Variants in CDC25A observed in about 807,000 individuals in gnomAD.
The protein encoded by CDC25A is cell division cycle 25A, also known as M-phase inducer phosphatase 1.
A neutral mutation model predicts 64.6 loss-of-function variants in CDC25A; 17 were observed. That is an observed-to-expected ratio of 0.26 (90% CI 0.18 to 0.39). CDC25A has a LOEUF of 0.39. CDC25A is among the 10% of genes least tolerant of loss of function. The probability of loss-of-function intolerance (pLI) is 1.00; values close to 1 mark genes in which losing one functional copy is unlikely to be tolerated. For missense variants in CDC25A, 473 were observed against 654.8 expected, an observed-to-expected ratio of 0.72 and a Z score of 3.03; for synonymous variants, 229 against 238.6, an observed-to-expected ratio of 0.96 and a Z score of 0.37.
In CDC25A at chr3:48,162,847, C is replaced by CAA. The variant is rs113100105; in HGVS notation, c.1322+1458_1322+1459dup. On this transcript the variant is annotated intron_variant, in intron 13 of 14. Transcript: ENST00000302506. ...TGGGTGACAGAGCGAGACTCCGTCT[C>CAA]AAAAAAAAAAAAAGGTTCAAAGGGG... 5.9e-5 allele frequency among the ~76,000 whole-genome samples: 7 copies of CAA among 118,608 alleles called. No homozygotes were observed. In the East Asian group the frequency reaches 1.5e-3, roughly 25 times the overall value. The allele number at this position is 118,608 out of a possible 152,430, so 77.8% of individuals were successfully genotyped here.
chr3:48,163,616 TG>T (rs1158520676), intron 13 of CDC25A, among the ~76,000 whole-genome samples: 1 of 152,054 alleles, frequency 6.6e-6, no homozygotes, highest in East Asian at 1.9e-4. Context: ...AAAAAAAAAT[TG>T]AAATTTTTTA....
chr3:48,186,757 C>T lies in CDC25A; in HGVS notation c.193G>A (p.Val65Met), dbSNP rs997089589. Reference protein sequence around the residue: ...LGSDYEQPLEVKNNSNLQRMG... With the variant: ...LGSDYEQPLEMKNNSNLQRMG... Reference sequence around the variant, plus strand: ...CTCTGCAGATTACTGTTGTTCTTCACCTCCAGTGGTTGCTCATAATCACTG... The same window carrying T: ...CTCTGCAGATTACTGTTGTTCTTCATCTCCAGTGGTTGCTCATAATCACTG... The change falls in exon 2 of 15, where the codon GTG (valine) becomes ATG (methionine). Residue 65 changes from valine (V) to methionine (M), a missense_variant. Transcript: ENST00000302506. 1 of 1,599,500 alleles carries T rather than the reference C, an allele frequency of 6.3e-7. No individual in the cohort carries two copies. Among genetic ancestry groups the T allele is most frequent in the East Asian group, 2.2e-5 (1 of 44,828 alleles).
intron 6 of CDC25A, among the ~76,000 whole-genome samples, chr3:48,180,001 GACAGTCCCT>G (rs1215746264): frequency 3.9e-5 from 6 of 152,126 alleles, no homozygotes; most frequent in Non-Finnish European, 7.4e-5. Flanking sequence ...TGGAAGTAAT[GACAGTCCCT>G]GTCTGGCAAA....
chr3:48,186,278 T>A (rs975504841), intron 2 of CDC25A, among the ~76,000 whole-genome samples: 1 of 152,080 alleles, frequency 6.6e-6, no homozygotes, highest in East Asian at 1.9e-4. Context: ...TTGTTCTCAA[T>A]AATGTTTATC....
At chr3:48,162,189 T>C (rs1386230726) in intron 13 of CDC25A, among the ~76,000 whole-genome samples, 2 of 152,168 alleles carry the variant, frequency 1.3e-5, no homozygotes, top group Non-Finnish European at 2.9e-5. Flanking sequence ...GTTGCCTGTG[T>C]GTAGAGCATG....
At chr3:48,167,569 T>C (rs972161283) in intron 10 of CDC25A, among the ~76,000 whole-genome samples, 1 of 152,300 alleles carries the variant, frequency 6.6e-6, no homozygotes, top group South Asian at 2.1e-4. Context: ...ATAACACAGT[T>C]CCCAGAGAGC....
At chr3:48,168,360 CCACACACACACA>C (rs58104019) in intron 9 of CDC25A, among the ~76,000 whole-genome samples, 172 of 106,602 alleles carry the variant, frequency 1.6e-3, no homozygotes, top group East Asian at 7.2e-3. Flanking sequence ...AAGACCCTGT[CCACACACACACA>C]CACACACACA....
intron 7 of CDC25A, 25 bp downstream of exon 7, chr3:48,177,829 G>C: frequency 1.4e-6 from 2 of 1,449,258 alleles, no homozygotes; most frequent in Non-Finnish European, 9.1e-7. Flanking sequence ...GAACAAATAG[G>C]AACACACACA....
rs201170431 is a variant in CDC25A at position 48,174,312 on chromosome 3, T to A, written c.902A>T (p.Glu301Val). The A allele has an allele frequency of 3.8e-5, 61 of 1,613,882 alleles. No individual in the cohort carries two copies. The African/African-American group carries it at 7.5e-4, about 20-fold the overall frequency. ...RKSMSGASPKESTNPEKAHET... is the reference protein window; with the variant it reads ...RKSMSGASPKVSTNPEKAHET... ...ATGGGCCTTCTCTGGATTAGTTGAC[T>A]CTTTGGGGCTGGCCCCAGACATGCT... Residue 301 changes from glutamate to valine, a missense_variant, in exon 9 of 15, where the codon GAG (glutamate) becomes GTG (valine). Physicochemically the swap from Glu to Val is moderately radical, Grantham distance 121. Transcript: ENST00000302506.
chr3:48,178,065 A>G, intron 6 of CDC25A, 77 bp from the exon 7 acceptor site: 1 of 1,404,912 alleles, frequency 7.1e-7, no homozygotes, highest in African/African-American at 1.4e-5. Context: ...ACTAGTTTTT[A>G]TGATGAAAAC....
In CDC25A at chr3:48,158,036, C is replaced by CA. The variant is rs1165923315; in HGVS notation, c.*908dup. On this transcript the variant is annotated 3_prime_UTR_variant, in exon 15 of 15. Transcript: ENST00000302506. ...CTTCCCTGGGAAACCTACACTGCAA[C>CA]ATTCCAGCACTGAGCCGGGGGTGGC... 1 of 147,686 alleles carries CA rather than the reference C, an allele frequency of 6.8e-6. No homozygotes were observed. The highest frequency in any genetic ancestry group is 2.2e-4 in the East Asian group (1 of 4,552). The allele number at this position is 147,686 out of a possible 1,614,324, so 9.1% of individuals were successfully genotyped here.
At chr3:48,178,447 C>T (rs2032546777) in intron 6 of CDC25A, among the ~76,000 whole-genome samples, 1 of 152,160 alleles carries the variant, frequency 6.6e-6, no homozygotes, top group Admixed American at 6.5e-5. Flanking sequence ...TAAAGGGTAA[C>T]TTCCTTCTAT....
chr3:48,159,931 A>G (rs1286882331), intron 13 of CDC25A, among the ~76,000 whole-genome samples: 1 of 152,050 alleles, frequency 6.6e-6, no homozygotes, highest in African/African-American at 2.4e-5. Context: ...TATCCAGCCA[A>G]TGGCTGCTTA....
Position 48,184,575 on chromosome 3 carries a change from G to T in CDC25A, c.290+78C>A, listed in dbSNP as rs749829213. 460 of 959,590 alleles carry T rather than the reference G, an allele frequency of 4.8e-4. 1 individual carries two copies. Among genetic ancestry groups the T allele is most frequent in the Non-Finnish European group, 6.6e-4 (411 of 620,334 alleles). 59.4% of individuals were successfully genotyped at this position (959,590 alleles called of 1,614,324 possible). On this transcript the variant is annotated intron_variant, in intron 3 of 14. Transcript: ENST00000302506. ...CCAGGGCTCCAGTCCAGTGTATGAA[G>T]AACTTCATTTAAATAAGGTATTTAA...
At chr3:48,185,879 C>A (rs1247641918) in intron 2 of CDC25A, among the ~76,000 whole-genome samples, 1 of 152,188 alleles carries the variant, frequency 6.6e-6, no homozygotes, top group Non-Finnish European at 1.5e-5. Flanking sequence ...AATCCTATCC[C>A]CAGTTCTATA....
At chr3:48,159,906 C>A (rs1044870090) in intron 13 of CDC25A, among the ~76,000 whole-genome samples, 1 of 152,146 alleles carries the variant, frequency 6.6e-6, no homozygotes, top group Non-Finnish European at 1.5e-5. Flanking sequence ...TCTACTTGGA[C>A]TGAATGGTCT....
At chr3:48,177,261 T>C in intron 8 of CDC25A, 110 bp downstream of exon 8, 1 of 834,132 alleles carries the variant, frequency 1.2e-6, no homozygotes, top group Non-Finnish European at 2.0e-6. Flanking sequence ...AAAACCCAGA[T>C]CCCCAAATCC....
rs144770516 is a variant in CDC25A, at chr3:48,170,473, A to T, written c.931-2529T>A. Among the ~76,000 whole-genome samples, 550 of 152,356 alleles carry T rather than the reference A, an allele frequency of 3.6e-3. 3 individuals carry two copies. Among genetic ancestry groups the T allele is most frequent in the African/African-American group, 0.012 (518 of 41,586 alleles). On this transcript the variant is annotated intron_variant, in intron 9 of 14. Coordinates refer to ENST00000302506, the MANE Select transcript of CDC25A (RefSeq NM_001789.3). ...ATGAAGGATATTCAAAGGATATAGAAGAAGACATGCATAGGGTGAGGTATG... is the reference window on the plus strand; with the variant it reads ...ATGAAGGATATTCAAAGGATATAGATGAAGACATGCATAGGGTGAGGTATG...
chr3:48,181,779 ACCATG>A, intron 5 of CDC25A: 1 of 633,430 alleles, frequency 1.6e-6, no homozygotes. Context: ...GAGAAATAAA[ACCATG>A]AAGAATCAAA....
Sources: gnomAD v4.1 joint callset for allele counts (sites outside exome capture counted in the v4.1 genomes callset) on GRCh38, gnomAD v4.1.1 for gene constraint, MANE v1.5 for transcripts, NCBI Gene and HGNC (gene_info 2026-07-23, HGNC 2026-07-21) for gene names.